Variants in EFCAB11 observed in about 807,000 individuals in gnomAD.
EFCAB11 encodes EF-hand calcium-binding domain-containing protein 11.
A neutral mutation model predicts 23.0 loss-of-function variants in EFCAB11; 14 were observed. That is an observed-to-expected ratio of 0.61 (90% CI 0.40 to 0.95). The LOEUF is 0.95. Ranked by LOEUF, EFCAB11 falls within the 40% of genes least tolerant of loss-of-function variation. EFCAB11 has a pLI of 0.00. For synonymous variants in EFCAB11, 65 were observed against 66.6 expected (o/e 0.98, Z 0.11); for missense variants, 198 against 195.8 (o/e 1.01, Z -0.07).
chr14:89,889,832 T>C (rs965247989), intron 5 of EFCAB11, among the ~76,000 whole-genome samples: 1 of 152,234 alleles, frequency 6.6e-6, no homozygotes, highest in Non-Finnish European at 1.5e-5. Context: ...AATTGTGTTC[T>C]CTGTGACTCC....
chr14:89,885,727 A>AAG (rs1187450448), intron 5 of EFCAB11, among the ~76,000 whole-genome samples: 6 of 137,758 alleles, frequency 4.4e-5, no homozygotes, highest in African/African-American at 8.2e-5. Context: ...GAGAGAGAGA[A>AAG]AGAGAGAGAG....
intron 5 of EFCAB11, among the ~76,000 whole-genome samples, chr14:89,843,264 T>C (rs1887328518): frequency 1.3e-5 from 2 of 152,344 alleles, no homozygotes; most frequent in South Asian, 2.1e-4. Context: ...TAGAAATGAA[T>C]ATTAAAACTG....
chr14:89,916,652 T>C (rs569390927), intron 5 of EFCAB11, among the ~76,000 whole-genome samples: 149 of 152,334 alleles, frequency 9.8e-4, no homozygotes, highest in African/African-American at 3.5e-3. Context: ...TTTCATTCAT[T>C]TATTTGTTCA....
intron 5 of EFCAB11, among the ~76,000 whole-genome samples, chr14:89,820,004 C>T (rs1188749627): frequency 6.6e-6 from 1 of 152,050 alleles, no homozygotes; most frequent in East Asian, 1.9e-4. Context: ...CATCAATTTA[C>T]CATAAAGCTT....
At chr14:89,950,744 A>C (rs2139847461) in intron 2 of EFCAB11, among the ~76,000 whole-genome samples, 1 of 152,272 alleles carries the variant, frequency 6.6e-6, no homozygotes, top group South Asian at 2.1e-4. Context: ...ACACTGTTAC[A>C]AGGGCTTTAT....
intron 5 of EFCAB11, among the ~76,000 whole-genome samples, chr14:89,800,456 A>C (rs1003405898): frequency 3.3e-5 from 5 of 152,202 alleles, no homozygotes; most frequent in African/African-American, 4.8e-5. Context: ...GAACCAATGC[A>C]GAACACTGGG....
At chr14:89,816,959 T>G (rs1886355055) in intron 5 of EFCAB11, among the ~76,000 whole-genome samples, 1 of 152,132 alleles carries the variant, frequency 6.6e-6, no homozygotes, top group Non-Finnish European at 1.5e-5. Context: ...AAAATATATC[T>G]GTATTTAATA....
intron 5 of EFCAB11, among the ~76,000 whole-genome samples, chr14:89,801,985 C>A (rs1440326659): frequency 2.3e-5 from 2 of 87,430 alleles, no homozygotes; most frequent in Non-Finnish European, 6.0e-5. Flanking sequence ...TAGTGCGAGA[C>A]TCTGTCTCAA....
intron 3 of EFCAB11, among the ~76,000 whole-genome samples, chr14:89,946,886 T>C (rs1951794): frequency 6.6e-6 from 1 of 152,142 alleles, no homozygotes; most frequent in East Asian, 1.9e-4. Flanking sequence ...CCAACTGCTG[T>C]CATTTTTATC....
chr14:89,867,643 A>G (rs917814413), intron 5 of EFCAB11, among the ~76,000 whole-genome samples: 1 of 152,208 alleles, frequency 6.6e-6, no homozygotes, highest in Non-Finnish European at 1.5e-5. Flanking sequence ...TATGCATTTA[A>G]TAAGTATTTT....
intron 5 of EFCAB11, among the ~76,000 whole-genome samples, chr14:89,804,146 T>C (rs1338609251): frequency 6.6e-6 from 1 of 152,214 alleles, no homozygotes; most frequent in African/African-American, 2.4e-5. Flanking sequence ...TTGGGACTGC[T>C]CTGACACCTG....
intron 5 of EFCAB11, among the ~76,000 whole-genome samples, chr14:89,896,424 G>T (rs1237965917): frequency 2.6e-5 from 4 of 151,924 alleles, no homozygotes; most frequent in African/African-American, 9.7e-5. Context: ...AGTTGGAGAG[G>T]ATGCCCATCA....
At chr14:89,839,537 A>G (rs1887191417) in intron 5 of EFCAB11, among the ~76,000 whole-genome samples, 1 of 152,196 alleles carries the variant, frequency 6.6e-6, no homozygotes, top group African/African-American at 2.4e-5. Context: ...CTTTGGGGTC[A>G]TGATGGGAAG....
intron 5 of EFCAB11, among the ~76,000 whole-genome samples, chr14:89,874,542 T>C (rs1888375548): frequency 6.6e-6 from 1 of 152,206 alleles, no homozygotes; most frequent in African/African-American, 2.4e-5. Context: ...GCTTCCCTTT[T>C]AAATATAAGT....
chr14:89,945,495 T>C (rs537106040), intron 3 of EFCAB11, among the ~76,000 whole-genome samples: 2 of 152,226 alleles, frequency 1.3e-5, no homozygotes, highest in Non-Finnish European at 2.9e-5. Context: ...TATTTAGAAG[T>C]GTGCTATTTG....
intron 5 of EFCAB11, among the ~76,000 whole-genome samples, chr14:89,835,693 T>A (rs930838061): frequency 9.3e-5 from 14 of 150,180 alleles, no homozygotes; most frequent in Non-Finnish European, 1.5e-4. Context: ...AGTGGAGTGA[T>A]CTCGGTTCAC....
chr14:89,864,109 A>AGGAT (rs1888012872), intron 5 of EFCAB11, among the ~76,000 whole-genome samples: 1 of 152,260 alleles, frequency 6.6e-6, no homozygotes, highest in Non-Finnish European at 1.5e-5. Context: ...CTAAACAAAC[A>AGGAT]GGATCTACAT....
At chr14:89,798,073 C>T (rs1325778446) in intron 5 of EFCAB11, among the ~76,000 whole-genome samples, 1 of 152,174 alleles carries the variant, frequency 6.6e-6, no homozygotes, top group Non-Finnish European at 1.5e-5. Context: ...ACATCAAATT[C>T]GTATCAACCA....
intron 5 of EFCAB11, among the ~76,000 whole-genome samples, chr14:89,890,684 C>T (rs1449572398): frequency 6.6e-6 from 1 of 152,164 alleles, no homozygotes; most frequent in Non-Finnish European, 1.5e-5. Flanking sequence ...TTAAAAAGAG[C>T]TGCCAGGCCA....
Sources: allele counts gnomAD v4.1 joint callset (sites outside exome capture counted in the v4.1 genomes callset), GRCh38; gene constraint gnomAD v4.1.1; transcripts MANE v1.5; gene names NCBI Gene and HGNC (gene_info 2026-07-23, HGNC 2026-07-21).